SHTN1: variants seen among roughly 807,000 people sequenced by gnomAD.
SHTN1 encodes shootin 1, also known as shootin-1.
Under a neutral mutation model 83.1 loss-of-function variants are expected in SHTN1, and 42 were observed. That is an observed-to-expected ratio of 0.51 (90% CI 0.39 to 0.65). The LOEUF (loss-of-function observed/expected upper bound fraction) is 0.65, where lower values mean the gene tolerates loss of function less well. Among genes scored for constraint, SHTN1 ranks in the 30% least tolerant of loss-of-function variants. The pLI is 0.00. For missense variants in SHTN1, 622 were observed against 737.8 expected, an observed-to-expected ratio of 0.84 and a Z score of 1.82; for synonymous variants, 224 against 247.7, an observed-to-expected ratio of 0.90 and a Z score of 0.90.
intron 3 of SHTN1, among the ~76,000 whole-genome samples, chr10:116,964,234 T>A (rs1401481771): frequency 6.6e-6 from 1 of 152,196 alleles, no homozygotes. Flanking sequence ...TCCAGCCTTG[T>A]GCTAAACTCT....
intron 1 of SHTN1, among the ~76,000 whole-genome samples, chr10:116,991,248 T>C (rs1440208122): frequency 2.0e-5 from 3 of 152,218 alleles, no homozygotes; most frequent in African/African-American, 4.8e-5. Context: ...AGTTTTCGTA[T>C]TGAGTCACTC....
intron 16 of SHTN1, among the ~76,000 whole-genome samples, chr10:116,893,806 A>C (rs1847423227): frequency 6.6e-6 from 1 of 152,194 alleles, no homozygotes; most frequent in African/African-American, 2.4e-5. Context: ...TGAGAGAATA[A>C]TTTTATGCCA....
intron 2 of SHTN1, among the ~76,000 whole-genome samples, chr10:117,034,321 ATAAAT>A (rs577004051): frequency 3.3e-5 from 5 of 152,312 alleles, no homozygotes; most frequent in Admixed American, 2.6e-4. Flanking sequence ...TTTTTGGTAA[ATAAAT>A]TCAGTAAAGT....
At position 116,902,043 on chromosome 10, in the gene SHTN1, C is replaced by T. The variant is rs189126751; in HGVS notation, c.1481-86G>A. On this transcript the variant is annotated intron_variant, in intron 15 of 16. Transcript: ENST00000355371. ...CTGAAAAACAGATTAGCTGAAAATC[C>T]CTCAAGAAGTGAAAAGGCCAAGTTT... 6.4e-6 allele frequency: 8 copies of T among 1,246,950 alleles called. No homozygotes were observed. In the East Asian group the frequency reaches 1.1e-4, roughly 17 times the overall value. 77.2% of individuals were successfully genotyped at this position (1,246,950 alleles called of 1,614,324 possible).
At chr10:117,071,813 C>A (rs1589919941) in intron 1 of SHTN1, among the ~76,000 whole-genome samples, 1 of 152,296 alleles carries the variant, frequency 6.6e-6, no homozygotes, top group East Asian at 1.9e-4. Context: ...CCGAGGCGGG[C>A]AGGAGACCTA....
At chr10:116,953,343 C>T (rs1354339155) in intron 5 of SHTN1, among the ~76,000 whole-genome samples, 1 of 152,040 alleles carries the variant, frequency 6.6e-6, no homozygotes, top group East Asian at 1.9e-4. Context: ...TTTCATTTAA[C>T]AAAAATATCT....
At position 116,953,532 on chromosome 10, in the gene SHTN1, G is replaced by A. The variant is rs189112125; in HGVS notation, c.436+510C>T. 1.3e-5 allele frequency among the ~76,000 whole-genome samples: 2 copies of A among 151,744 alleles called. 1 individual carries two copies. The highest frequency in any genetic ancestry group is 2.9e-5 in the Non-Finnish European group (2 of 67,974). On this transcript the variant is annotated intron_variant, in intron 5 of 16. Transcript: ENST00000355371. Reference sequence around the variant, plus strand: ...GAAGCTTTCAAAATACTGATGCCTAGGTCCTACCCCATCCAAAATTCTGAT... The same window carrying A: ...GAAGCTTTCAAAATACTGATGCCTAAGTCCTACCCCATCCAAAATTCTGAT...
intron 2 of SHTN1, among the ~76,000 whole-genome samples, chr10:116,970,818 TGCTTTATG>T (rs1173486408): frequency 2.6e-5 from 4 of 151,852 alleles, no homozygotes; most frequent in African/African-American, 9.7e-5. Context: ...TATTTATATA[TGCTTTATG>T]ATACATCTAA....
In SHTN1 at chr10:116,994,511, G is replaced by C. The variant is rs537475823; in HGVS notation, c.58+10511C>G. ...CTTTTTAGTCAACTGTAGAGACAGAGAGAGAAGGGGAAAGAGGGAAGGGGA... is the reference window on the plus strand; with the variant it reads ...CTTTTTAGTCAACTGTAGAGACAGACAGAGAAGGGGAAAGAGGGAAGGGGA... On this transcript the variant is annotated intron_variant, in intron 1 of 16. Coordinates refer to ENST00000355371, the MANE Select transcript of SHTN1 (RefSeq NM_001127211.3). 4.3e-4 allele frequency among the ~76,000 whole-genome samples: 66 copies of C among 152,216 alleles called. No individual in the cohort carries two copies. The South Asian group carries it at 0.013, about 31-fold the overall frequency.
At chr10:117,012,287 A>G (rs1001019092) in intron 2 of SHTN1, among the ~76,000 whole-genome samples, 1 of 152,146 alleles carries the variant, frequency 6.6e-6, no homozygotes, top group Admixed American at 6.5e-5. Context: ...AAAACAAAAC[A>G]AAACAAAAAC....
rs544806093 is a variant in SHTN1 at position 117,011,092 on chromosome 10, G to C, written c.-122-31784C>G. 6.6e-5 allele frequency among the ~76,000 whole-genome samples: 10 copies of C among 152,234 alleles called. No individual in the cohort carries two copies. The South Asian group carries it at 1.9e-3, about 28-fold the overall frequency. ...ATTAGACAAGAAAAAGAAAGAAAAGGCATCCAAGTTGGAAAGGAGGACGTA... is the reference window on the plus strand; with the variant it reads ...ATTAGACAAGAAAAAGAAAGAAAAGCCATCCAAGTTGGAAAGGAGGACGTA... On this transcript the variant is annotated intron_variant, in intron 2 of 17. Coordinates refer to the SHTN1 transcript ENST00000392901.
At position 116,886,511 on chromosome 10, in the gene SHTN1, C is replaced by G; in HGVS notation, c.1729G>C (p.Glu577Gln). The G allele has an allele frequency of 6.2e-7, 1 of 1,614,072 alleles. No homozygotes were observed. Among genetic ancestry groups the G allele is most frequent in the Non-Finnish European group, 8.5e-7 (1 of 1,180,022 alleles). ...KKYIDGEKQAEPVVVLDPVST... is the reference protein window; with the variant it reads ...KKYIDGEKQAQPVVVLDPVST... Reference sequence around the variant, plus strand: ...ACAGGATCTAAAACTACAACTGGTTCGGCTTGTTTTTCACCGTCAATGTAT... The same window carrying G: ...ACAGGATCTAAAACTACAACTGGTTGGGCTTGTTTTTCACCGTCAATGTAT... The change falls in exon 17 of 17, where the codon GAA becomes CAA. Residue 577 changes from glutamate (E) to glutamine (Q), a missense_variant. Physicochemically the swap from Glu to Gln is conservative, Grantham distance 29. Transcript: ENST00000355371.
intron 2 of SHTN1, among the ~76,000 whole-genome samples, chr10:117,015,340 GTTTGT>G (rs759722792): frequency 1.6e-4 from 25 of 152,116 alleles, no homozygotes; most frequent in African/African-American, 5.3e-4. Flanking sequence ...GTTGTTGTTT[GTTTGT>G]TTTAAGATGG....
At chr10:117,019,382 C>G (rs2133562938) in intron 2 of SHTN1, among the ~76,000 whole-genome samples, 1 of 151,936 alleles carries the variant, frequency 6.6e-6, no homozygotes, top group South Asian at 2.1e-4. Context: ...CAGGGCCTCA[C>G]CGTGTTACCC....
chr10:117,096,682 T>A (rs1366103719), intron 1 of SHTN1, among the ~76,000 whole-genome samples: 1 of 152,224 alleles, frequency 6.6e-6, no homozygotes, highest in African/African-American at 2.4e-5. Context: ...TGAACTCAAG[T>A]ACAGAAGGCC....
intron 3 of SHTN1, among the ~76,000 whole-genome samples, chr10:116,964,714 G>A (rs1410176516): frequency 2.0e-5 from 3 of 152,220 alleles, no homozygotes; most frequent in African/African-American, 7.2e-5. Context: ...TGGGCGCGGT[G>A]GCTCATGCCT....
intron 1 of SHTN1, among the ~76,000 whole-genome samples, chr10:116,982,696 C>T (rs757813816): frequency 3.5e-4 from 54 of 152,156 alleles, no homozygotes; most frequent in Non-Finnish European, 6.3e-4. Flanking sequence ...GTGGCTCACG[C>T]CTGTAATCCC....
rs553237706 is a variant in SHTN1, at chr10:117,003,231, C to G, written c.58+1791G>C. 7.3e-4 allele frequency among the ~76,000 whole-genome samples: 111 copies of G among 151,558 alleles called. 2 individuals carry two copies. The South Asian group carries it at 0.022, about 30-fold the overall frequency. ...TCAAGTTTTAATGTTTTGGGTTGGG[C>G]GAAGGTGTATTAAATATAAAATACC... is the stretch of plus-strand genomic sequence containing the variant. On this transcript the variant is annotated intron_variant, in intron 1 of 16. Coordinates refer to ENST00000355371, the MANE Select transcript of SHTN1 (RefSeq NM_001127211.3).
intron 1 of SHTN1, among the ~76,000 whole-genome samples, chr10:117,121,584 A>T (rs1853928488): frequency 6.6e-6 from 1 of 152,102 alleles, no homozygotes; most frequent in African/African-American, 2.4e-5. Context: ...GACTCAAAAA[A>T]AAAAATTATA....
Sources: gnomAD v4.1 joint callset for allele counts (sites outside exome capture counted in the v4.1 genomes callset) on GRCh38, gnomAD v4.1.1 for gene constraint, MANE v1.5 for transcripts, NCBI Gene and HGNC (gene_info 2026-07-23, HGNC 2026-07-21) for gene names.